The following DMRT1 variants were observed in gnomAD, a reference collection of about 807,000 sequenced individuals.
The protein encoded by DMRT1 is doublesex- and mab-3-related transcription factor 1.
A neutral mutation model predicts 32.3 loss-of-function variants in DMRT1; 7 were observed. The ratio of observed to expected loss-of-function variants is 0.22; its 90% CI spans 0.12 to 0.41. DMRT1 has a LOEUF of 0.41. Ranked by LOEUF, DMRT1 falls within the 10% of genes least tolerant of loss-of-function variation. The pLI is 1.00. For missense variants in DMRT1, 625 were observed against 500.5 expected, an observed-to-expected ratio of 1.25 and a Z score of -2.37; for synonymous variants, 278 against 206.1, an observed-to-expected ratio of 1.35 and a Z score of -2.99.
intron 4 of DMRT1, among the ~76,000 whole-genome samples, chr9:957,998 G>C (rs1819654094): frequency 6.6e-6 from 1 of 152,088 alleles, no homozygotes; most frequent in African/African-American, 2.4e-5. Flanking sequence ...GATAGAGCGA[G>C]ACTCTGTTTT....
intron 4 of DMRT1, among the ~76,000 whole-genome samples, chr9:948,837 C>T (rs1309346272): frequency 6.6e-6 from 1 of 151,654 alleles, no homozygotes; most frequent in Non-Finnish European, 1.5e-5. Context: ...GGATGGATCA[C>T]TTGAGGTCAG....
At chr9:886,975 A>G (rs1281092012) in intron 2 of DMRT1, among the ~76,000 whole-genome samples, 1 of 152,224 alleles carries the variant, frequency 6.6e-6, no homozygotes, top group East Asian at 1.9e-4. Context: ...GCAGTTGAAC[A>G]AGCATCAAAA....
intron 2 of DMRT1, among the ~76,000 whole-genome samples, chr9:875,428 A>G (rs1210579887): frequency 6.6e-6 from 1 of 152,204 alleles, no homozygotes; most frequent in East Asian, 1.9e-4. Flanking sequence ...AGATTTTCCT[A>G]GGTTCTGCAT....
rs967569048 is a variant in DMRT1 at position 875,823 on chromosome 9, A to G, written c.539-18089A>G. Among the ~76,000 whole-genome samples the G allele has an allele frequency of 3.9e-5, 6 of 152,214 alleles. No homozygotes were observed. The East Asian group carries it at 1.2e-3, about 29-fold the overall frequency. On this transcript the variant is annotated intron_variant, in intron 2 of 4. Transcript: ENST00000382276. ...GTGTGCATATATAGTGTATGTACAC[A>G]CACATATATATTTACGCTCATATCC... is the stretch of plus-strand genomic sequence containing the variant.
intron 4 of DMRT1, among the ~76,000 whole-genome samples, chr9:932,270 C>G (rs925483582): frequency 5.1e-4 from 78 of 152,184 alleles, no homozygotes; most frequent in African/African-American, 5.8e-4. Flanking sequence ...CAGTTTAACT[C>G]TGATGTACTG....
At chr9:948,784 G>C (rs909186703) in intron 4 of DMRT1, among the ~76,000 whole-genome samples, 2 of 151,832 alleles carry the variant, frequency 1.3e-5, no homozygotes, top group Non-Finnish European at 2.9e-5. Context: ...AGGCTGGCGC[G>C]GTAGCTTATG....
At chr9:869,254 A>T (rs1329315738) in intron 2 of DMRT1, among the ~76,000 whole-genome samples, 2 of 152,158 alleles carry the variant, frequency 1.3e-5, no homozygotes, top group Non-Finnish European at 2.9e-5. Flanking sequence ...CCCTATGGTG[A>T]CATGCAATGG....
chr9:882,232 C>T (rs1325111590), intron 2 of DMRT1, among the ~76,000 whole-genome samples: 1 of 152,142 alleles, frequency 6.6e-6, no homozygotes, highest in Non-Finnish European at 1.5e-5. Context: ...TTTTCAGGCC[C>T]AATTAAGTTT....
chr9:842,568 C>G lies in DMRT1; in HGVS notation c.354+376C>G, dbSNP rs189459273. The G allele has an allele frequency of 5.1e-3, 1,129 of 220,096 alleles. 5 individuals are homozygous for G. Among genetic ancestry groups the G allele is most frequent in the Admixed American group, 7.6e-3 (142 of 18,588 alleles). The allele number at this position is 220,096 out of a possible 1,614,324, so 13.6% of individuals were successfully genotyped here. A position where few individuals can be genotyped will look rare whatever the true frequency, so the allele number is the denominator to read the frequency against. ...AGTTTCTTGAATGAAGTCCCCCCAGCATGGCCGTTGCCATGCGGGTCCTGG... is the reference window on the plus strand; with the variant it reads ...AGTTTCTTGAATGAAGTCCCCCCAGGATGGCCGTTGCCATGCGGGTCCTGG... On this transcript the variant is annotated intron_variant, in intron 1 of 4. Coordinates refer to ENST00000382276, the MANE Select transcript of DMRT1 (RefSeq NM_021951.3).
At chr9:912,361 G>A (rs2129747199) in intron 3 of DMRT1, among the ~76,000 whole-genome samples, 1 of 152,274 alleles carries the variant, frequency 6.6e-6, no homozygotes, top group Non-Finnish European at 1.5e-5. Flanking sequence ...AACCTCAAAT[G>A]GAGTCTGACC....
Position 968,272 on chromosome 9 carries a change from GT to G in DMRT1, c.*136del. 1 of 1,100,640 alleles carries G rather than the reference GT, an allele frequency of 9.1e-7. No homozygotes were observed. Among genetic ancestry groups the G allele is most frequent in the Non-Finnish European group, 1.3e-6 (1 of 758,162 alleles). The allele number at this position is 1,100,640 out of a possible 1,614,324, so 68.2% of individuals were successfully genotyped here. ...ACGTATTTGGTTTATATTCCTTAGA[GT>G]TTAGTCCAGAGGCTGTAACACATTT... On this transcript the variant is annotated 3_prime_UTR_variant, in exon 5 of 5. Coordinates refer to ENST00000382276, the MANE Select transcript of DMRT1 (RefSeq NM_021951.3).
At chr9:922,237 A>T (rs1451577402) in intron 4 of DMRT1, among the ~76,000 whole-genome samples, 1 of 152,170 alleles carries the variant, frequency 6.6e-6, no homozygotes, top group Admixed American at 6.5e-5. Context: ...CCAAAGTACC[A>T]GACCACGGTG....
chr9:951,218 T>G (rs1819417216), intron 4 of DMRT1, among the ~76,000 whole-genome samples: 1 of 152,142 alleles, frequency 6.6e-6, no homozygotes, highest in Non-Finnish European at 1.5e-5. Flanking sequence ...ATATTTTTCT[T>G]TAAATACCAG....
intron 2 of DMRT1, among the ~76,000 whole-genome samples, chr9:851,493 C>T (rs1444360721): frequency 6.6e-6 from 1 of 152,182 alleles, no homozygotes; most frequent in Admixed American, 6.5e-5. Flanking sequence ...CCGCCTCGGC[C>T]TCCCAAAGTG....
chr9:901,911 C>CTTT (rs34006231), intron 3 of DMRT1, among the ~76,000 whole-genome samples: 1,599 of 114,294 alleles, frequency 0.014, 86 homozygotes, highest in African/African-American at 0.049. Context: ...GAAACTAGCC[C>CTTT]TTTTTTTTTT....
At chr9:850,440 G>T (rs1839096771) in intron 2 of DMRT1, among the ~76,000 whole-genome samples, 1 of 152,082 alleles carries the variant, frequency 6.6e-6, no homozygotes, top group South Asian at 2.1e-4. Flanking sequence ...TTTTTCAGAG[G>T]TTGGATTTAC....
At chr9:845,285 C>A (rs1838859077) in intron 1 of DMRT1, among the ~76,000 whole-genome samples, 1 of 152,110 alleles carries the variant, frequency 6.6e-6, no homozygotes, top group Non-Finnish European at 1.5e-5. Flanking sequence ...TTTCGGCTCA[C>A]TGCAACCTCC....
chr9:884,963 G>C (rs549174385), intron 2 of DMRT1, among the ~76,000 whole-genome samples: 4 of 152,314 alleles, frequency 2.6e-5, no homozygotes, highest in East Asian at 1.9e-4. Flanking sequence ...GAGTGAGTGA[G>C]ACTCGGTCTC....
chr9:883,546 C>G (rs1419481226), intron 2 of DMRT1, among the ~76,000 whole-genome samples: 10 of 151,328 alleles, frequency 6.6e-5, no homozygotes, highest in Admixed American at 6.6e-5. Context: ...AATTCCAGCA[C>G]TTTGGGAGGC....
Sources: allele counts gnomAD v4.1 joint callset (sites outside exome capture counted in the v4.1 genomes callset), GRCh38; gene constraint gnomAD v4.1.1; transcripts MANE v1.5; gene names NCBI Gene and HGNC (gene_info 2026-07-23, HGNC 2026-07-21).